The following MESP1 variants were observed in gnomAD, a reference collection of about 807,000 sequenced individuals.
The protein encoded by MESP1 is mesoderm posterior protein 1.
MESP1 carries 22 observed loss-of-function variants against 15.2 expected under a neutral mutation model. The observed-to-expected ratio is 1.45, with a 90% CI of 1.04 to 2.07. MESP1 has a LOEUF of 2.07. Among genes scored for constraint, MESP1 ranks in the 30% most tolerant of loss-of-function variants. MESP1 has a pLI of 0.00. For missense variants in MESP1, 484 were observed against 411.9 expected, an observed-to-expected ratio of 1.17 and a Z score of -1.51; for synonymous variants, 216 against 192.6, an observed-to-expected ratio of 1.12 and a Z score of -1.01.
chr15:89,747,674 G>C (rs1472694831), downstream of MESP1, among the ~76,000 whole-genome samples: 2 of 152,208 alleles, frequency 1.3e-5, no homozygotes, highest in African/African-American at 4.8e-5. Flanking sequence ...AGCACACCTG[G>C]TGATTACGCA....
At chr15:89,748,628 T>A (rs75310579), downstream of MESP1, 2 of 152,164 alleles carry the variant, frequency 1.3e-5, no homozygotes, top group African/African-American at 4.8e-5. Flanking sequence ...TTAAAAACAT[T>A]GTGCTCAGTG....
chr15:89,744,234 C>T, the MESP1 span, among the ~76,000 whole-genome samples: 1 of 152,202 alleles, frequency 6.6e-6, no homozygotes, highest in Non-Finnish European at 1.5e-5. Context: ...GCCCCATCCA[C>T]CTCCTCCCTG....
At chr15:89,737,766 T>C in the MESP1 span, 1 of 1,612,244 alleles carries the variant, frequency 6.2e-7, no homozygotes, top group Non-Finnish European at 8.5e-7. Context: ...CCACTGACCA[T>C]TTCCCTGACT....
chr15:89,735,729 T>A, the MESP1 span, among the ~76,000 whole-genome samples: 16 of 152,154 alleles, frequency 1.1e-4, no homozygotes, highest in Non-Finnish European at 1.6e-4. Context: ...AGCACACAGC[T>A]CATTTGGGAA....
At chr15:89,750,488 C>A in intron 1 of MESP1, 21 bp downstream of exon 1, 2 of 1,481,330 alleles carry the variant, frequency 1.4e-6, no homozygotes, top group Non-Finnish European at 1.8e-6. Context: ...ACGAAGGGGG[C>A]GCGGGGAAGG....
At chr15:89,750,435 G>A in intron 1 of MESP1, 74 bp downstream of exon 1, 3 of 1,463,130 alleles carry the variant, frequency 2.1e-6, no homozygotes, top group Non-Finnish European at 2.7e-6. Context: ...AGGGTGCCTG[G>A]TCCTCACCTT....
the MESP1 span, among the ~76,000 whole-genome samples, chr15:89,736,089 T>G: frequency 6.6e-6 from 1 of 152,160 alleles, no homozygotes; most frequent in African/African-American, 2.4e-5. Context: ...TACAGATGTG[T>G]CCCTGTGTGG....
At chr15:89,744,733 T>C in the MESP1 span, among the ~76,000 whole-genome samples, 1 of 152,212 alleles carries the variant, frequency 6.6e-6, no homozygotes, top group Non-Finnish European at 1.5e-5. Flanking sequence ...CTCAGATAAC[T>C]TAGCCATCCA....
chr15:89,746,390 ACATCCACACAG>A (rs1387891134), downstream of MESP1, among the ~76,000 whole-genome samples: 1 of 135,022 alleles, frequency 7.4e-6, no homozygotes, highest in African/African-American at 3.2e-5. Context: ...ACACATCCAC[ACATCCACACAG>A]CATCCACACC....
chr15:89,734,565 A>C, the MESP1 span, among the ~76,000 whole-genome samples: 22 of 152,334 alleles, frequency 1.4e-4, no homozygotes, highest in Non-Finnish European at 2.6e-4. Context: ...ATCCATGCCC[A>C]CATTCAAGCA....
At chr15:89,742,055 A>G in the MESP1 span, among the ~76,000 whole-genome samples, 5 of 152,014 alleles carry the variant, frequency 3.3e-5, no homozygotes, top group African/African-American at 1.2e-4. Flanking sequence ...CCGGCCTCCA[A>G]TACATTTTTA....
At chr15:89,737,792 CAGAG>C in the MESP1 span, 4 of 1,594,920 alleles carry the variant, frequency 2.5e-6, no homozygotes, top group East Asian at 2.2e-5. Context: ...CTCTCACAAA[CAGAG>C]AGAGCCCCTC....
the MESP1 span, among the ~76,000 whole-genome samples, chr15:89,742,173 C>T: frequency 5.3e-5 from 8 of 152,088 alleles, no homozygotes; most frequent in South Asian, 2.1e-4. Context: ...GATCACTTGA[C>T]GCCAGGAGTT....
At chr15:89,735,521 G>A in the MESP1 span, 1 of 1,614,106 alleles carries the variant, frequency 6.2e-7, no homozygotes, top group Admixed American at 1.7e-5. Context: ...AACCATCTGT[G>A]CCGTGGCCCC....
chr15:89,747,147 C>G (rs994674872), downstream of MESP1, among the ~76,000 whole-genome samples: 1 of 145,146 alleles, frequency 6.9e-6, no homozygotes, highest in African/African-American at 2.6e-5. Context: ...CACACACACA[C>G]CCCTACCTTG....
At chr15:89,739,961 T>TTGATTCTGACACTACCA in the MESP1 span, among the ~76,000 whole-genome samples, 2 of 152,188 alleles carry the variant, frequency 1.3e-5, no homozygotes, top group African/African-American at 2.4e-5. Flanking sequence ...AGACCTGAGT[T>TTGATTCTGACACTACCA]TGATTCTGAC....
At chr15:89,746,475 C>T (rs2141748528), downstream of MESP1, among the ~76,000 whole-genome samples, 1 of 150,626 alleles carries the variant, frequency 6.6e-6, no homozygotes, top group Middle Eastern at 3.4e-3. Context: ...ACACACACAG[C>T]CCTGCCTCTA....
chr15:89,734,014 C>T, the MESP1 span, among the ~76,000 whole-genome samples: 197 of 140,456 alleles, frequency 1.4e-3, 2 homozygotes, highest in Middle Eastern at 0.011. Context: ...TGTGTGTGTG[C>T]GCGCGCGCAT....
the MESP1 span, among the ~76,000 whole-genome samples, chr15:89,736,773 G>A: frequency 6.6e-6 from 1 of 151,682 alleles, no homozygotes; most frequent in Non-Finnish European, 1.5e-5. Flanking sequence ...AGCTGGAGGA[G>A]GCTGTTGGGT....
Sources: allele counts gnomAD v4.1 joint callset (sites outside exome capture counted in the v4.1 genomes callset), GRCh38; gene constraint gnomAD v4.1.1; transcripts MANE v1.5; gene names NCBI Gene and HGNC (gene_info 2026-07-23, HGNC 2026-07-21).